The following RELCH variants were observed in gnomAD, a reference collection of about 807,000 sequenced individuals.
The protein encoded by RELCH is RAB11 binding and LisH domain, coiled-coil and HEAT repeat containing.
A neutral mutation model predicts 150.3 loss-of-function variants in RELCH; 41 were observed. The observed-to-expected ratio is 0.27, with a 90% CI of 0.21 to 0.35. The LOEUF is 0.35. Ranked by LOEUF, RELCH falls within the 10% of genes least tolerant of loss-of-function variation. The pLI is 1.00. For missense variants in RELCH, 1,092 were observed against 1,467.8 expected (o/e 0.74, Z 4.18); for synonymous variants, 478 against 531.8 (o/e 0.90, Z 1.39).
At chr18:62,221,630 G>T in intron 5 of RELCH, 133 bp downstream of exon 5, 2 of 452,402 alleles carry the variant, frequency 4.4e-6, no homozygotes. Context: ...TACTAGAACA[G>T]CAGTCTCTTG....
In RELCH at chr18:62,252,667, A is replaced by G. The variant is rs768424043; in HGVS notation, c.1737A>G (p.Gln579=). ...CGTTTTTTATATTATTTTTCAGGCAAATGATACTGACAGGTTGTGTGGCAT... is the reference window on the plus strand; with the variant it reads ...CGTTTTTTATATTATTTTTCAGGCAGATGATACTGACAGGTTGTGTGGCAT... ...LIKRPDDEQR[Q]MILTGCVAFA... The change falls in exon 12 of 29, where the codon CAA becomes CAG. Residue 579 remains glutamine (Q), a synonymous_variant. Coordinates refer to ENST00000644646, the MANE Select transcript of RELCH (RefSeq NM_001346231.2). 9.3e-6 allele frequency: 15 copies of G among 1,613,728 alleles called. No individual in the cohort carries two copies. In the Admixed American group the frequency reaches 1.8e-4, roughly 20 times the overall value.
In RELCH at chr18:62,215,815, G is replaced by C. The variant is rs914369868; in HGVS notation, c.616+4573G>C. Among the ~76,000 whole-genome samples the C allele has an allele frequency of 5.3e-5, 8 of 151,986 alleles. 1 individual carries two copies. In the South Asian group the frequency reaches 1.0e-3, roughly 20 times the overall value. ...TCTTTTAGTACCAGGCTGTAGTTCT[G>C]ACCCATCTGTATATTCATGTGGATA... On this transcript the variant is annotated intron_variant, in intron 2 of 28. Coordinates refer to ENST00000644646, the MANE Select transcript of RELCH (RefSeq NM_001346231.2).
rs1221396595 is a variant in RELCH at position 62,308,946 on chromosome 18, G to T, written c.*3412G>T. 1 of 151,860 alleles carries T rather than the reference G, an allele frequency of 6.6e-6. No individual in the cohort carries two copies. Among genetic ancestry groups the T allele is most frequent in the African/African-American group, 2.4e-5 (1 of 41,346 alleles). The allele number at this position is 151,860 out of a possible 1,614,324, so 9.4% of individuals were successfully genotyped here. ...ACTATTTTTTTCAGTACATTAAAAAGAAATAGAGACTGGCCGGGCACGGTG... is the reference window on the plus strand; with the variant it reads ...ACTATTTTTTTCAGTACATTAAAAATAAATAGAGACTGGCCGGGCACGGTG... On this transcript the variant is annotated 3_prime_UTR_variant, in exon 29 of 29. Transcript: ENST00000644646.
At chr18:62,277,968 C>A in intron 22 of RELCH, 1 of 385,722 alleles carries the variant, frequency 2.6e-6, no homozygotes, top group Non-Finnish European at 3.6e-6. Flanking sequence ...GGCCCTGCAA[C>A]TTAGACTTGG....
intron 27 of RELCH, among the ~76,000 whole-genome samples, chr18:62,298,092 A>ACCCC: frequency 7.1e-6 from 1 of 140,166 alleles, no homozygotes; most frequent in African/African-American, 2.9e-5. Flanking sequence ...TATTTGCTTT[A>ACCCC]TCCCCCCCCG....
chr18:62,240,487 C>T (rs1485496646), intron 10 of RELCH, among the ~76,000 whole-genome samples: 1 of 150,018 alleles, frequency 6.7e-6, no homozygotes, highest in Non-Finnish European at 1.5e-5. Context: ...CAGCTCACTG[C>T]AGCCTTGACC....
intron 2 of RELCH, 85 bp downstream of exon 2, chr18:62,211,327 G>A: frequency 1.3e-6 from 1 of 797,294 alleles, no homozygotes; most frequent in Non-Finnish European, 2.2e-6. Context: ...TCCTTCTACA[G>A]TTTGGTATGT....
chr18:62,200,190 A>G (rs891694603), intron 1 of RELCH, among the ~76,000 whole-genome samples: 2 of 152,346 alleles, frequency 1.3e-5, no homozygotes, highest in African/African-American at 4.8e-5. Flanking sequence ...GGAGGCTTGA[A>G]TTCTACTTCT....
At chr18:62,223,187 A>G (rs1237699852) in intron 5 of RELCH, among the ~76,000 whole-genome samples, 1 of 152,032 alleles carries the variant, frequency 6.6e-6, no homozygotes, top group East Asian at 1.9e-4. Flanking sequence ...TTAATGAAAC[A>G]AACAAGTAGT....
Position 62,187,345 on chromosome 18 carries a change from G to A in RELCH, c.-161G>A, listed in dbSNP as rs547927886. 5.2e-6 allele frequency: 3 copies of A among 573,718 alleles called. No individual in the cohort carries two copies. Among genetic ancestry groups the A allele is most frequent in the Non-Finnish European group, 5.7e-6 (2 of 350,220 alleles). 35.5% of individuals were successfully genotyped at this position (573,718 alleles called of 1,614,324 possible). A position where few individuals can be genotyped will look rare whatever the true frequency, so the allele number is the denominator to read the frequency against. The stretch of plus-strand genomic sequence containing the variant: ...GAGGCATCAGGTGCAGCTGCATCCG[G>A]ATCTCCTGCCTTGGAGCGTACTCCT... On this transcript the variant is annotated 5_prime_UTR_variant, in exon 1 of 29. Transcript: ENST00000644646.
rs78929740 is a variant in RELCH, at chr18:62,204,864, T to C, written c.527-6289T>C. 1.9e-3 allele frequency among the ~76,000 whole-genome samples: 286 copies of C among 152,360 alleles called. 6 individuals are homozygous for C. Among genetic ancestry groups the C allele is most frequent in the East Asian group, 0.014 (71 of 5,188 alleles). On this transcript the variant is annotated intron_variant, in intron 1 of 28. Coordinates refer to ENST00000644646, the MANE Select transcript of RELCH (RefSeq NM_001346231.2). ...AAAACACAAAATTTTTGTTTGTTTA[T>C]TTAAGACAGTAAGAATAGCTATTTT...
At chr18:62,284,704 G>A (rs996061925) in intron 25 of RELCH, among the ~76,000 whole-genome samples, 10 of 152,100 alleles carry the variant, frequency 6.6e-5, no homozygotes, top group African/African-American at 2.4e-4. Flanking sequence ...AGAATTTCTG[G>A]GTGGTAACGT....
intron 10 of RELCH, among the ~76,000 whole-genome samples, chr18:62,242,666 T>C (rs1489604180): frequency 6.6e-6 from 1 of 152,168 alleles, no homozygotes; most frequent in African/African-American, 2.4e-5. Context: ...AGTTAAAATA[T>C]TGTCCATATT....
chr18:62,221,555 C>T (rs1319129452), intron 5 of RELCH, 58 bp downstream of exon 5: 12 of 661,996 alleles, frequency 1.8e-5, no homozygotes, highest in South Asian at 9.9e-5. Flanking sequence ...TTCACTTTTT[C>T]TTTTACGTAG....
At chr18:62,290,653 A>C (rs1250181774) in intron 26 of RELCH, among the ~76,000 whole-genome samples, 1 of 152,228 alleles carries the variant, frequency 6.6e-6, no homozygotes, top group Non-Finnish European at 1.5e-5. Context: ...GGGAATGAAC[A>C]AGATGAATTG....
At chr18:62,200,026 A>T (rs922320442) in intron 1 of RELCH, among the ~76,000 whole-genome samples, 17 of 152,226 alleles carry the variant, frequency 1.1e-4, no homozygotes, top group African/African-American at 3.9e-4. Flanking sequence ...TTTTCATATG[A>T]TAAAGTCATC....
intron 18 of RELCH, 115 bp downstream of exon 18, chr18:62,264,967 T>G: frequency 1.2e-6 from 1 of 819,666 alleles, no homozygotes; most frequent in Non-Finnish European, 1.8e-6. Flanking sequence ...ATTCGCTTCT[T>G]TAATATCCTA....
intron 1 of RELCH, among the ~76,000 whole-genome samples, chr18:62,203,696 G>A (rs940065608): frequency 5.3e-5 from 8 of 151,942 alleles, no homozygotes; most frequent in African/African-American, 1.9e-4. Flanking sequence ...CACTATATAA[G>A]CTTCATTTTT....
At chr18:62,197,435 C>A (rs2039121379) in intron 1 of RELCH, among the ~76,000 whole-genome samples, 1 of 152,148 alleles carries the variant, frequency 6.6e-6, no homozygotes, top group African/African-American at 2.4e-5. Context: ...TTTAATTTAG[C>A]TTTTAACTGT....
Sources: allele counts gnomAD v4.1 joint callset (sites outside exome capture counted in the v4.1 genomes callset), GRCh38; gene constraint gnomAD v4.1.1; transcripts MANE v1.5; gene names NCBI Gene and HGNC (gene_info 2026-07-23, HGNC 2026-07-21).